The following PRKG1 variants were observed in gnomAD, a reference collection of about 807,000 sequenced individuals.
PRKG1 encodes the protein cGMP-dependent protein kinase 1.
A neutral mutation model predicts 88.1 loss-of-function variants in PRKG1; 35 were observed. The observed-to-expected ratio is 0.40, with a 90% CI of 0.30 to 0.53. PRKG1 has a LOEUF of 0.53. Among genes scored for constraint, PRKG1 ranks in the 20% least tolerant of loss-of-function variants. The probability of loss-of-function intolerance (pLI) is 0.59; values close to 1 mark genes in which losing one functional copy is unlikely to be tolerated. For missense variants in PRKG1, 540 were observed against 839.8 expected (o/e 0.64, Z 4.41); for synonymous variants, 303 against 292.5 (o/e 1.04, Z -0.37).
chr10:51,355,673 A>G (rs959569557), intron 2 of PRKG1, among the ~76,000 whole-genome samples: 1 of 151,704 alleles, frequency 6.6e-6, no homozygotes, highest in Admixed American at 6.6e-5. Context: ...TTTTTTTTTC[A>G]TTCATGAAAG....
At chr10:51,516,552 G>T (rs936218267) in intron 3 of PRKG1, among the ~76,000 whole-genome samples, 8 of 152,280 alleles carry the variant, frequency 5.3e-5, no homozygotes, top group Admixed American at 2.0e-4. Context: ...GGGACCCACT[G>T]CTTTCTGCCT....
intron 2 of PRKG1, among the ~76,000 whole-genome samples, chr10:51,434,346 G>T (rs1838861122): frequency 6.6e-6 from 1 of 152,092 alleles, no homozygotes; most frequent in African/African-American, 2.4e-5. Flanking sequence ...GCGATTGAAA[G>T]GGGGCAAACT....
Position 52,109,361 on chromosome 10 carries a change from G to A in PRKG1, c.936-24479G>A, listed in dbSNP as rs146934839. On this transcript the variant is annotated intron_variant, in intron 7 of 17. Transcript: ENST00000373980. ...GGAATGTCCATATTAAATCAAAGGC[G>A]TAAAACCAGCTTATTTCTTCATGCT... 2.1e-3 allele frequency among the ~76,000 whole-genome samples: 327 copies of A among 152,274 alleles called. 2 individuals carry two copies. Among genetic ancestry groups the A allele is most frequent in the South Asian group, 0.013 (61 of 4,826 alleles).
chr10:51,505,571 G>A (rs934890086), intron 3 of PRKG1, among the ~76,000 whole-genome samples: 1 of 152,120 alleles, frequency 6.6e-6, no homozygotes, highest in Non-Finnish European at 1.5e-5. Flanking sequence ...TGTACCTCTG[G>A]TAGAATTCGG....
At position 51,467,576 on chromosome 10, in the gene PRKG1, A is replaced by G. The variant is rs887376474; in HGVS notation, c.479-147A>G. 1.4e-5 allele frequency: 8 copies of G among 556,942 alleles called. No homozygotes were observed. In the Admixed American group the frequency reaches 2.0e-4, roughly 14 times the overall value. The allele number at this position is 556,942 out of a possible 1,614,324, so 34.5% of individuals were successfully genotyped here. ...TTTCTTAACTTCCATATTTTGTTTT[A>G]TTTCTTGCGCTGCCTCGTGGTGACT... On this transcript the variant is annotated intron_variant, in intron 2 of 17. Transcript: ENST00000373980.
rs181832161 is a variant in PRKG1, at chr10:51,373,470, C to T, written c.479-94253C>T. On this transcript the variant is annotated intron_variant, in intron 2 of 17. Transcript: ENST00000373980. ...TAAAATTAGTTCCAGGGTACATGTG[C>T]GGGATGTGCAGGTTTGTTACATAGA... 4.8e-3 allele frequency among the ~76,000 whole-genome samples: 726 copies of T among 152,190 alleles called. 6 individuals are homozygous for T. Among genetic ancestry groups the T allele is most frequent in the African/African-American group, 0.017 (698 of 41,534 alleles).
intron 9 of PRKG1, among the ~76,000 whole-genome samples, chr10:52,183,160 T>C (rs1311047872): frequency 6.6e-6 from 1 of 152,084 alleles, no homozygotes; most frequent in Non-Finnish European, 1.5e-5. Context: ...AGACCCCACC[T>C]CCAACATTGG....
chr10:51,353,078 A>G (rs1192680588), intron 2 of PRKG1, among the ~76,000 whole-genome samples: 1 of 152,150 alleles, frequency 6.6e-6, no homozygotes, highest in Non-Finnish European at 1.5e-5. Flanking sequence ...GTGCGGGGAA[A>G]ACTGGATGTT....
At chr10:51,516,443 C>CA (rs1174711926) in intron 3 of PRKG1, among the ~76,000 whole-genome samples, 1 of 151,826 alleles carries the variant, frequency 6.6e-6, no homozygotes, top group Non-Finnish European at 1.5e-5. Flanking sequence ...AAAAAAAATT[C>CA]AAAAAGAACA....
intron 4 of PRKG1, among the ~76,000 whole-genome samples, chr10:51,809,493 A>C (rs1400280958): frequency 6.6e-6 from 1 of 152,210 alleles, no homozygotes; most frequent in Non-Finnish European, 1.5e-5. Flanking sequence ...ATTCTCTGTT[A>C]CTGCTATTAA....
chr10:51,624,663 G>T (rs1175379327), intron 3 of PRKG1, among the ~76,000 whole-genome samples: 1 of 152,178 alleles, frequency 6.6e-6, no homozygotes, highest in African/African-American at 2.4e-5. Context: ...TGGCCACAGA[G>T]ATGTTTTTCA....
chr10:51,274,809 C>G (rs1840072069), intron 2 of PRKG1, among the ~76,000 whole-genome samples: 1 of 152,198 alleles, frequency 6.6e-6, no homozygotes, highest in Non-Finnish European at 1.5e-5. Context: ...AAGAGTTGCA[C>G]TTTATTTCAC....
intron 3 of PRKG1, among the ~76,000 whole-genome samples, chr10:51,553,458 A>G (rs532998731): frequency 6.6e-6 from 1 of 151,650 alleles, no homozygotes; most frequent in East Asian, 1.9e-4. Flanking sequence ...AGTGACATAA[A>G]CTGTACTCTG....
intron 4 of PRKG1, among the ~76,000 whole-genome samples, chr10:51,843,644 AG>A (rs1210735552): frequency 1.3e-5 from 2 of 152,222 alleles, no homozygotes; most frequent in Non-Finnish European, 2.9e-5. Flanking sequence ...CAGGCATAGA[AG>A]AGCATGGTAT....
intron 2 of PRKG1, among the ~76,000 whole-genome samples, chr10:51,455,278 T>A (rs1338656725): frequency 6.6e-6 from 1 of 152,254 alleles, no homozygotes; most frequent in Admixed American, 6.5e-5. Context: ...GAAACCATTT[T>A]TTCCTCATGG....
intron 2 of PRKG1, among the ~76,000 whole-genome samples, chr10:51,418,385 T>C (rs1838306425): frequency 6.6e-6 from 1 of 152,172 alleles, no homozygotes; most frequent in African/African-American, 2.4e-5. Context: ...TGGCCAAAAA[T>C]AGGCAATTTT....
At chr10:51,614,463 A>G (rs759131679) in intron 3 of PRKG1, among the ~76,000 whole-genome samples, 2 of 151,700 alleles carry the variant, frequency 1.3e-5, no homozygotes, top group African/African-American at 2.4e-5. Flanking sequence ...GTATTCAAGG[A>G]TCATTTTTTT....
At chr10:51,239,448 G>GGTTA (rs1271678564) in intron 2 of PRKG1, among the ~76,000 whole-genome samples, 1 of 152,156 alleles carries the variant, frequency 6.6e-6, no homozygotes, top group Non-Finnish European at 1.5e-5. Context: ...TGTGTAAGGA[G>GGTTA]GTTATGAAAA....
intron 6 of PRKG1, among the ~76,000 whole-genome samples, chr10:52,062,033 T>C (rs1846248034): frequency 6.6e-6 from 1 of 152,134 alleles, no homozygotes. Context: ...TAAATATATT[T>C]ACATAATGAA....
Sources: gnomAD v4.1 joint callset for allele counts (sites outside exome capture counted in the v4.1 genomes callset) on GRCh38, gnomAD v4.1.1 for gene constraint, MANE v1.5 for transcripts, NCBI Gene and HGNC (gene_info 2026-07-23, HGNC 2026-07-21) for gene names.